The following KIAA0232 variants were observed in gnomAD, a reference collection of about 807,000 sequenced individuals.
KIAA0232 encodes KIAA0232, also known as uncharacterized protein KIAA0232.
KIAA0232 carries 27 observed loss-of-function variants against 122.0 expected under a neutral mutation model. That is an observed-to-expected ratio of 0.22 (90% CI 0.16 to 0.31). The LOEUF is 0.31. Ranked by LOEUF, KIAA0232 falls within the 10% of genes least tolerant of loss-of-function variation. The probability of loss-of-function intolerance (pLI) is 1.00; values close to 1 mark genes in which losing one functional copy is unlikely to be tolerated. For synonymous variants in KIAA0232, 613 were observed against 587.6 expected (o/e 1.04, Z -0.63); for missense variants, 1,551 against 1,634.2 (o/e 0.95, Z 0.88).
At chr4:6,831,247 G>C (rs999531909) in intron 3 of KIAA0232, among the ~76,000 whole-genome samples, 38 of 151,992 alleles carry the variant, frequency 2.5e-4, no homozygotes, top group African/African-American at 9.2e-4. Flanking sequence ...GTGGAGACAG[G>C]GTTTCACTAT....
At chr4:6,817,042 T>C (rs1718164711) in intron 2 of KIAA0232, among the ~76,000 whole-genome samples, 1 of 152,130 alleles carries the variant, frequency 6.6e-6, no homozygotes, top group Admixed American at 6.5e-5. Flanking sequence ...GTTTTTCTGC[T>C]TTCTATTTCA....
intron 2 of KIAA0232, among the ~76,000 whole-genome samples, chr4:6,809,274 T>C (rs1054278865): frequency 8.5e-5 from 13 of 152,192 alleles, no homozygotes; most frequent in African/African-American, 3.1e-4. Context: ...TTCTACCCCT[T>C]GAAGTGGTCA....
rs778787634 is a variant in KIAA0232, at chr4:6,861,349, C to T, written c.967C>T (p.Arg323Ter). 1.2e-6 allele frequency: 2 copies of T among 1,613,854 alleles called. No individual in the cohort carries two copies. The highest frequency in any genetic ancestry group is 1.7e-5 in the Admixed American group (1 of 59,994). ...AGTAAGACACAAGGCACGAGAGATT[C>T]GAAACAAAAAAGGGCGGAATGGGCA... is the stretch of plus-strand genomic sequence containing the variant. Reference protein sequence around the residue: ...VKVRHKAREIRNKKGRNGQSR... With the variant: ...VKVRHKAREI Residue 323 changes from arginine (R) to a stop codon, truncating the protein, a stop_gained, in exon 7 of 10, where the codon CGA (arginine) becomes TGA (stop). Coordinates refer to ENST00000307659, the MANE Select transcript of KIAA0232 (RefSeq NM_014743.3). LOFTEE classifies it high-confidence loss of function.
At chr4:6,794,248 G>T (rs994217598) in intron 1 of KIAA0232, among the ~76,000 whole-genome samples, 15 of 152,212 alleles carry the variant, frequency 9.9e-5, no homozygotes, top group Admixed American at 4.6e-4. Flanking sequence ...CTGAAGCTGT[G>T]CATCCTGCAC....
intron 4 of KIAA0232, among the ~76,000 whole-genome samples, chr4:6,842,772 A>G (rs1388222923): frequency 6.6e-6 from 1 of 151,988 alleles, no homozygotes; most frequent in Non-Finnish European, 1.5e-5. Flanking sequence ...ATTTTTTAGT[A>G]GAGATGGGGT....
chr4:6,822,748 A>G (rs1718479325), intron 2 of KIAA0232, among the ~76,000 whole-genome samples: 1 of 151,824 alleles, frequency 6.6e-6, no homozygotes, highest in Non-Finnish European at 1.5e-5. Context: ...CAACCTAGGT[A>G]TATAAGAAGA....
At chr4:6,823,103 T>C (rs1718499576) in intron 2 of KIAA0232, among the ~76,000 whole-genome samples, 3 of 151,986 alleles carry the variant, frequency 2.0e-5, no homozygotes, top group African/African-American at 7.2e-5. Context: ...ATAAAGGACA[T>C]GAACTCATCA....
At chr4:6,788,621 T>C (rs1425069117) in intron 1 of KIAA0232, among the ~76,000 whole-genome samples, 1 of 152,264 alleles carries the variant, frequency 6.6e-6, no homozygotes, top group Non-Finnish European at 1.5e-5. Flanking sequence ...AAAATCTTAA[T>C]CATTTCTGAT....
intron 1 of KIAA0232, among the ~76,000 whole-genome samples, chr4:6,786,928 A>T (rs1430183168): frequency 6.6e-6 from 1 of 152,132 alleles, no homozygotes; most frequent in Non-Finnish European, 1.5e-5. Flanking sequence ...CACGCCTGTA[A>T]TTCCAGCACC....
chr4:6,875,495 T>A (rs1263102268), intron 8 of KIAA0232, among the ~76,000 whole-genome samples: 1 of 152,200 alleles, frequency 6.6e-6, no homozygotes, highest in East Asian at 1.9e-4. Flanking sequence ...GTCTTCCATG[T>A]GGCCAGTGCA....
chr4:6,818,156 A>G (rs981194990), intron 2 of KIAA0232, among the ~76,000 whole-genome samples: 1 of 152,164 alleles, frequency 6.6e-6, no homozygotes, highest in Non-Finnish European at 1.5e-5. Flanking sequence ...TAATTGTAGC[A>G]CTTTGGGAGG....
At chr4:6,831,066 A>T (rs1718949882) in intron 3 of KIAA0232, among the ~76,000 whole-genome samples, 1 of 150,368 alleles carries the variant, frequency 6.7e-6, no homozygotes, top group Non-Finnish European at 1.5e-5. Flanking sequence ...TTTATTTATT[A>T]TTTTTTTGAG....
chr4:6,869,014 C>T (rs928488430), intron 7 of KIAA0232, among the ~76,000 whole-genome samples: 8 of 152,186 alleles, frequency 5.3e-5, no homozygotes, highest in Non-Finnish European at 1.2e-4. Context: ...CGTCAGCAGA[C>T]ACTGAGTATC....
Position 6,863,120 on chromosome 4 carries a change from C to A in KIAA0232, c.2738C>A (p.Thr913Lys). 1 of 1,614,198 alleles carries A rather than the reference C, an allele frequency of 6.2e-7. No individual in the cohort carries two copies. Among genetic ancestry groups the A allele is most frequent in the Non-Finnish European group, 8.5e-7 (1 of 1,180,022 alleles). ...AACGTGGATGGTGGTGATTATACAA[C>A]ACCCTCTAAACCCTGGGATGTAGCC... ...LSNVDGGDYT[T>K]PSKPWDVAQD... The change falls in exon 7 of 10, where the codon ACA (threonine) becomes AAA (lysine). Residue 913 changes from threonine to lysine, a missense_variant. Coordinates refer to ENST00000307659, the MANE Select transcript of KIAA0232 (RefSeq NM_014743.3).
chr4:6,824,131 A>G (rs570386557), intron 2 of KIAA0232, 54 bp from the exon 3 acceptor site: 9 of 425,022 alleles, frequency 2.1e-5, no homozygotes, highest in African/African-American at 1.0e-4. Flanking sequence ...CAAAAGGTCA[A>G]TAATTTATTA....
At chr4:6,809,310 TA>T (rs1717771907) in intron 2 of KIAA0232, among the ~76,000 whole-genome samples, 1 of 152,206 alleles carries the variant, frequency 6.6e-6, no homozygotes, top group African/African-American at 2.4e-5. Context: ...CCTGCCCTAT[TA>T]AAGTGAAGTG....
intron 3 of KIAA0232, among the ~76,000 whole-genome samples, chr4:6,832,350 CTTTT>C (rs541814218): frequency 1.5e-5 from 2 of 134,716 alleles, no homozygotes; most frequent in African/African-American, 2.7e-5. Flanking sequence ...AAGTTGGGGC[CTTTT>C]TTTTTTTTTT....
At chr4:6,827,479 G>A (rs925465373) in intron 3 of KIAA0232, among the ~76,000 whole-genome samples, 1 of 152,166 alleles carries the variant, frequency 6.6e-6, no homozygotes, top group Non-Finnish European at 1.5e-5. Flanking sequence ...CTGTGATAAC[G>A]CAGCCCCTCG....
chr4:6,824,607 A>G lies in KIAA0232; in HGVS notation c.154A>G (p.Ile52Val). The part of the protein sequence containing the change: ...WLGQELEKCG[I>V]DAMIYTRYVL... ...GGGACAAGAGCTCGAGAAATGTGGC[A>G]TTGATGCCATGATTTACACTCGGTA... Residue 52 changes from isoleucine to valine, a missense_variant, in exon 3 of 10, where the codon ATT becomes GTT. Ile to Val is a conservative substitution (Grantham distance 29). Around this residue, in one of 5 missense-constraint regions of KIAA0232, gnomAD observed 26 missense variants for 52.2 expected, o/e 0.50. Transcript: ENST00000307659. The G allele has an allele frequency of 6.2e-7, 1 of 1,614,218 alleles. No homozygotes were observed. The highest frequency in any genetic ancestry group is 8.5e-7 in the Non-Finnish European group (1 of 1,180,036).
Sources: gnomAD v4.1 joint callset for allele counts (sites outside exome capture counted in the v4.1 genomes callset) on GRCh38, gnomAD v4.1.1 for gene constraint, gnomAD v4.1.1 regional missense constraint, MANE v1.5 for transcripts, NCBI Gene and HGNC (gene_info 2026-07-23, HGNC 2026-07-21) for gene names.